Variants in OIT3 observed in about 807,000 individuals in gnomAD.
OIT3 encodes oncoprotein-induced transcript 3 protein.
A neutral mutation model predicts 52.2 loss-of-function variants in OIT3; 41 were observed. The ratio of observed to expected loss-of-function variants is 0.79; its 90% CI spans 0.61 to 1.02. OIT3 has a LOEUF of 1.02. OIT3 is among the 50% of genes least tolerant of loss of function. The pLI is 0.00. For missense variants in OIT3, 634 were observed against 715.5 expected (o/e 0.89, Z 1.30); for synonymous variants, 244 against 276.9 (o/e 0.88, Z 1.18).
intron 3 of OIT3, among the ~76,000 whole-genome samples, chr10:72,905,086 A>G (rs905370414): frequency 6.6e-6 from 1 of 152,210 alleles, no homozygotes; most frequent in Non-Finnish European, 1.5e-5. Context: ...CTCACTTATT[A>G]CTGCAAAGAC....
At chr10:72,925,262 T>C (rs1211383685) in intron 7 of OIT3, among the ~76,000 whole-genome samples, 3 of 152,186 alleles carry the variant, frequency 2.0e-5, no homozygotes, top group East Asian at 1.9e-4. Flanking sequence ...TATTGAATAA[T>C]TTAATTTTTT....
chr10:72,921,402 G>A (rs931635363), intron 6 of OIT3, among the ~76,000 whole-genome samples: 14 of 152,274 alleles, frequency 9.2e-5, no homozygotes, highest in African/African-American at 3.4e-4. Context: ...TTTAATTGGG[G>A]CATTTAGCCC....
Position 72,913,449 on chromosome 10 carries a change from C to T in OIT3, c.932C>T (p.Thr311Ile). 1 of 1,611,152 alleles carries T rather than the reference C, an allele frequency of 6.2e-7. No individual in the cohort carries two copies. Among genetic ancestry groups the T allele is most frequent in the Non-Finnish European group, 8.5e-7 (1 of 1,177,740 alleles). Residue 311 changes from threonine to isoleucine, a missense_variant, in exon 6 of 9, where the codon ACA (threonine) becomes ATA (isoleucine). Coordinates refer to ENST00000334011, the MANE Select transcript of OIT3 (RefSeq NM_152635.3). ...THVNILFSLK[T>I]CGTVVDVVND... ...GTCAACATCCTCTTCTCTCTCAAGA[C>T]ATGTGGTACAGTGGTCGATGTAGGT...
At chr10:72,902,805 A>T (rs1845945005) in intron 3 of OIT3, among the ~76,000 whole-genome samples, 1 of 152,176 alleles carries the variant, frequency 6.6e-6, no homozygotes, top group Non-Finnish European at 1.5e-5. Flanking sequence ...CCCATGATTC[A>T]ATTATCTCCA....
intron 3 of OIT3, among the ~76,000 whole-genome samples, chr10:72,905,010 A>T (rs1350130092): frequency 5.9e-5 from 9 of 152,178 alleles, no homozygotes; most frequent in Non-Finnish European, 1.3e-4. Flanking sequence ...ACAGGAAGTG[A>T]GAGTGAGAAG....
chr10:72,894,223 A>C (rs2132918273), intron 1 of OIT3, among the ~76,000 whole-genome samples: 2 of 152,294 alleles, frequency 1.3e-5, no homozygotes, highest in South Asian at 4.1e-4. Context: ...ATTTTTCTTT[A>C]ATGAAGGCAA....
rs1288937798 is a variant in OIT3, at chr10:72,911,850, G to T, written c.790+11G>T. The T allele has an allele frequency of 6.2e-7, 1 of 1,609,516 alleles. No homozygotes were observed. Among genetic ancestry groups the T allele is most frequent in the Admixed American group, 1.7e-5 (1 of 59,122 alleles). On this transcript the variant is annotated intron_variant, in intron 5 of 8. Coordinates refer to ENST00000334011, the MANE Select transcript of OIT3 (RefSeq NM_152635.3). ...ACCACACTTGCCAAGGTAGTACATG[G>T]GGCAGGGGGACTTGTCTCTACTCTG...
chr10:72,898,307 C>G (rs1342953762), intron 1 of OIT3, among the ~76,000 whole-genome samples: 3 of 152,082 alleles, frequency 2.0e-5, no homozygotes, highest in African/African-American at 7.2e-5. Context: ...ATAATACAGT[C>G]TCCATGTATG....
At position 72,903,902 on chromosome 10, in the gene OIT3, A is replaced by C. The variant is rs572504023; in HGVS notation, c.545-2694A>C. On this transcript the variant is annotated intron_variant, in intron 3 of 8. Coordinates refer to ENST00000334011, the MANE Select transcript of OIT3 (RefSeq NM_152635.3). The stretch of plus-strand genomic sequence containing the variant: ...TCATATTAAAAAAAAAATCAGTCCT[A>C]AGGGAGGAGACCACCCCTCATATTG... Among the ~76,000 whole-genome samples, 15 of 152,248 alleles carry C rather than the reference A, an allele frequency of 9.9e-5. No homozygotes were observed. In the South Asian group the frequency reaches 2.5e-3, roughly 25 times the overall value.
At chr10:72,928,655 G>A (rs1012309401) in intron 7 of OIT3, among the ~76,000 whole-genome samples, 1 of 152,056 alleles carries the variant, frequency 6.6e-6, no homozygotes, top group African/African-American at 2.4e-5. Context: ...GCAACCAGCA[G>A]GGTGTCTTGC....
chr10:72,896,945 G>A (rs539841522), intron 1 of OIT3, among the ~76,000 whole-genome samples: 8 of 152,240 alleles, frequency 5.3e-5, no homozygotes, highest in Middle Eastern at 3.4e-3. Context: ...TAGTTTCCCT[G>A]GAGTTAAGGG....
chr10:72,916,623 G>T (rs1012608477), intron 6 of OIT3, among the ~76,000 whole-genome samples: 1 of 152,162 alleles, frequency 6.6e-6, no homozygotes, highest in Non-Finnish European at 1.5e-5. Context: ...GAATAGTGCT[G>T]CAGTAAACAT....
At chr10:72,909,150 C>T (rs1166888257) in intron 4 of OIT3, among the ~76,000 whole-genome samples, 2 of 141,900 alleles carry the variant, frequency 1.4e-5, no homozygotes, top group African/African-American at 5.3e-5. Flanking sequence ...GATAAGGTCT[C>T]ACTCTGTCAC....
At position 72,895,365 on chromosome 10, in the gene OIT3, C is replaced by G. The variant is rs867248566; in HGVS notation, c.61+1506C>G. Among the ~76,000 whole-genome samples the G allele has an allele frequency of 2.6e-5, 4 of 152,264 alleles. 1 individual carries two copies. Among genetic ancestry groups the G allele is most frequent in the Middle Eastern group, 6.8e-3 (2 of 294 alleles). Reference sequence around the variant, plus strand: ...CTATATTCCCCATTCTTTCCATATACCATCGCCCTTCCCAGATCTTTTCCT... The same window carrying G: ...CTATATTCCCCATTCTTTCCATATAGCATCGCCCTTCCCAGATCTTTTCCT... On this transcript the variant is annotated intron_variant, in intron 1 of 8. Coordinates refer to ENST00000334011, the MANE Select transcript of OIT3 (RefSeq NM_152635.3).
intron 7 of OIT3, among the ~76,000 whole-genome samples, chr10:72,927,989 T>C (rs910029705): frequency 1.3e-5 from 2 of 152,202 alleles, no homozygotes; most frequent in African/African-American, 4.8e-5. Context: ...AATAATTGAA[T>C]GAGTCTTTAT....
chr10:72,914,867 CTT>C (rs911010551), intron 6 of OIT3, among the ~76,000 whole-genome samples: 15 of 146,520 alleles, frequency 1.0e-4, no homozygotes, highest in African/African-American at 3.7e-4. Context: ...GTGTAAAACT[CTT>C]TTTTTTTTTT....
In OIT3 at chr10:72,893,760, A is replaced by G. The variant is rs369306347; in HGVS notation, c.-39A>G. ...AGGGGACAAAGGAACACCAGTATTA[A>G]GAGGATTTTCCAGTGTTTCTGGCAG... On this transcript the variant is annotated 5_prime_UTR_variant, in exon 1 of 9. Transcript: ENST00000334011. 3 of 1,570,328 alleles carry G rather than the reference A, an allele frequency of 1.9e-6. No homozygotes were observed. The highest frequency in any genetic ancestry group is 2.7e-5 in the African/African-American group (2 of 73,164).
rs564722017 is a variant in OIT3, at chr10:72,902,852, T to C, written c.544+2368T>C. Among the ~76,000 whole-genome samples the C allele has an allele frequency of 1.6e-4, 24 of 152,338 alleles. No individual in the cohort carries two copies. The South Asian group carries it at 3.5e-3, about 22-fold the overall frequency. ...CCTTTACACATGGGGACTATTACAA[T>C]TCAAGGTGAGATTTGGGTGCAGACA... On this transcript the variant is annotated intron_variant, in intron 3 of 8. Coordinates refer to ENST00000334011, the MANE Select transcript of OIT3 (RefSeq NM_152635.3).
At chr10:72,920,784 A>G (rs1846114476) in intron 6 of OIT3, among the ~76,000 whole-genome samples, 1 of 152,098 alleles carries the variant, frequency 6.6e-6, no homozygotes, top group African/African-American at 2.4e-5. Flanking sequence ...TTGTGCTGTC[A>G]TCTGAGAGCC....
Sources: allele counts gnomAD v4.1 joint callset (sites outside exome capture counted in the v4.1 genomes callset), GRCh38; gene constraint gnomAD v4.1.1; transcripts MANE v1.5; gene names NCBI Gene and HGNC (gene_info 2026-07-23, HGNC 2026-07-21).